Variants in PRKG1 observed in about 807,000 individuals in gnomAD.
PRKG1 encodes the protein protein kinase cGMP-dependent 1.
A neutral mutation model predicts 88.1 loss-of-function variants in PRKG1; 35 were observed. That is an observed-to-expected ratio of 0.40 (90% CI 0.30 to 0.53). PRKG1 has a LOEUF of 0.53. Ranked by LOEUF, PRKG1 falls within the 20% of genes least tolerant of loss-of-function variation. PRKG1 has a pLI of 0.59. For synonymous variants in PRKG1, 303 were observed against 292.5 expected, an observed-to-expected ratio of 1.04 and a Z score of -0.37; for missense variants, 540 against 839.8, an observed-to-expected ratio of 0.64 and a Z score of 4.41.
intron 2 of PRKG1, among the ~76,000 whole-genome samples, chr10:51,406,286 TA>T (rs1276619605): frequency 6.6e-6 from 1 of 152,212 alleles, no homozygotes; most frequent in Non-Finnish European, 1.5e-5. Flanking sequence ...CTTTGGGAAG[TA>T]AAGCCTGGCT....
chr10:51,720,721 A>G (rs1841992449), intron 3 of PRKG1, among the ~76,000 whole-genome samples: 1 of 152,194 alleles, frequency 6.6e-6, no homozygotes, highest in Non-Finnish European at 1.5e-5. Context: ...AGCAAGTGAC[A>G]CAGCAGAGCT....
At chr10:51,793,927 A>C (rs145859370) in intron 3 of PRKG1, among the ~76,000 whole-genome samples, 2 of 151,956 alleles carry the variant, frequency 1.3e-5, no homozygotes. Context: ...ACATCCAGCT[A>C]GTTTTTTTGT....
chr10:51,996,460 T>C (rs1844446173), intron 5 of PRKG1, among the ~76,000 whole-genome samples: 1 of 151,352 alleles, frequency 6.6e-6, no homozygotes, highest in Non-Finnish European at 1.5e-5. Context: ...GATTAAAGAA[T>C]GGGCAAAAGG....
At chr10:51,699,316 A>C (rs1171740824) in intron 3 of PRKG1, 1 of 1,613,996 alleles carries the variant, frequency 6.2e-7, no homozygotes, top group South Asian at 1.1e-5. Flanking sequence ...ACTCCCGCCC[A>C]TTGAGGTTCC....
At position 51,951,939 on chromosome 10, in the gene PRKG1, A is replaced by G. The variant is rs536282451; in HGVS notation, c.762+44369A>G. 1.3e-4 allele frequency among the ~76,000 whole-genome samples: 20 copies of G among 152,332 alleles called. No homozygotes were observed. In the South Asian group the frequency reaches 3.3e-3, roughly 25 times the overall value. On this transcript the variant is annotated intron_variant, in intron 5 of 17. Transcript: ENST00000373980. Reference sequence around the variant, plus strand: ...GAAGAGTAATAGTTCATGCCACATCAATATTATATGAAATTCAGATTTCAG... The same window carrying G: ...GAAGAGTAATAGTTCATGCCACATCGATATTATATGAAATTCAGATTTCAG...
intron 3 of PRKG1, among the ~76,000 whole-genome samples, chr10:51,484,870 T>C (rs1406649520): frequency 1.3e-5 from 2 of 152,234 alleles, no homozygotes; most frequent in Non-Finnish European, 2.9e-5. Context: ...GCTGTTGTTG[T>C]TCTGTTAAGT....
chr10:51,171,373 T>G lies in PRKG1; in HGVS notation c.478+18043T>G, dbSNP rs556234957. Among the ~76,000 whole-genome samples the G allele has an allele frequency of 8.5e-5, 13 of 152,276 alleles. No individual in the cohort carries two copies. The South Asian group carries it at 1.9e-3, about 22-fold the overall frequency. Reference sequence around the variant, plus strand: ...ATAAGATTTAGGTTTCTTTCTCTACTGTGCAATATCCTGGAAGTGAATGGA... The same window carrying G: ...ATAAGATTTAGGTTTCTTTCTCTACGGTGCAATATCCTGGAAGTGAATGGA... On this transcript the variant is annotated intron_variant, in intron 2 of 17. Transcript: ENST00000373980.
At chr10:51,586,837 G>A (rs745313961) in intron 3 of PRKG1, among the ~76,000 whole-genome samples, 11 of 152,098 alleles carry the variant, frequency 7.2e-5, no homozygotes, top group Non-Finnish European at 1.3e-4. Context: ...GGAAGTTAAC[G>A]TATTTAAATT....
chr10:51,276,984 T>A (rs1157349303), intron 2 of PRKG1, among the ~76,000 whole-genome samples: 29 of 152,224 alleles, frequency 1.9e-4, no homozygotes, highest in Admixed American at 1.9e-3. Context: ...CATTTGTCAT[T>A]TTTGGCTTTT....
chr10:51,415,203 A>G (rs1199813120), intron 2 of PRKG1, among the ~76,000 whole-genome samples: 5 of 152,216 alleles, frequency 3.3e-5, no homozygotes, highest in Admixed American at 3.3e-4. Flanking sequence ...TTTAGTGAAT[A>G]CATAGTATGT....
intron 1 of PRKG1, among the ~76,000 whole-genome samples, chr10:51,019,462 G>C (rs546303101): frequency 6.6e-6 from 1 of 152,086 alleles, no homozygotes; most frequent in African/African-American, 2.4e-5. Context: ...AAGGAAGTTG[G>C]GTCCTTACCT....
chr10:51,777,470 G>T (rs1052195616), intron 3 of PRKG1, among the ~76,000 whole-genome samples: 2 of 151,830 alleles, frequency 1.3e-5, no homozygotes, highest in African/African-American at 4.8e-5. Flanking sequence ...TATTTTTTAG[G>T]GTAGTTCTAT....
chr10:51,231,624 G>A (rs982009207), intron 2 of PRKG1, among the ~76,000 whole-genome samples: 5 of 151,942 alleles, frequency 3.3e-5, no homozygotes, highest in Non-Finnish European at 2.9e-5. Flanking sequence ...ACCTGGCCAC[G>A]CATATGCACA....
At chr10:52,065,046 CTA>C (rs1846324954) in intron 7 of PRKG1, among the ~76,000 whole-genome samples, 1 of 152,148 alleles carries the variant, frequency 6.6e-6, no homozygotes, top group Non-Finnish European at 1.5e-5. Context: ...GACTGATACT[CTA>C]TTTTTAAACT....
chr10:51,285,155 T>G (rs544097487), intron 2 of PRKG1, among the ~76,000 whole-genome samples: 479 of 150,988 alleles, frequency 3.2e-3, no homozygotes, highest in Non-Finnish European at 6.0e-3. Flanking sequence ...GTTTGGTTTT[T>G]TGTTCTTGCG....
At chr10:51,514,625 G>T (rs1366385998) in intron 3 of PRKG1, among the ~76,000 whole-genome samples, 2 of 152,134 alleles carry the variant, frequency 1.3e-5, no homozygotes, top group Non-Finnish European at 2.9e-5. Flanking sequence ...AAATTATGTG[G>T]CAAGGTGGCA....
chr10:51,351,515 G>GTT (rs200050595), intron 2 of PRKG1, among the ~76,000 whole-genome samples: 10 of 151,230 alleles, frequency 6.6e-5, no homozygotes, highest in African/African-American at 9.7e-5. Context: ...GTGATGATGA[G>GTT]TTTTTTTTTC....
intron 4 of PRKG1, among the ~76,000 whole-genome samples, chr10:51,858,601 A>G (rs1460819795): frequency 1.3e-5 from 2 of 149,324 alleles, no homozygotes; most frequent in Non-Finnish European, 3.0e-5. Flanking sequence ...CTATAGTGTC[A>G]TGTTGTAACT....
intron 2 of PRKG1, among the ~76,000 whole-genome samples, chr10:51,222,881 G>GGTATACATATGTATACATTCTACTT (rs1838587197): frequency 6.6e-6 from 1 of 151,606 alleles, no homozygotes; most frequent in Non-Finnish European, 1.5e-5. Flanking sequence ...ATATATGTAA[G>GGTATACATATGTATACATTCTACTT]GTATACATAT....
Sources: allele counts gnomAD v4.1 joint callset (sites outside exome capture counted in the v4.1 genomes callset), GRCh38; gene constraint gnomAD v4.1.1; transcripts MANE v1.5; gene names NCBI Gene and HGNC (gene_info 2026-07-23, HGNC 2026-07-21).